The following CCDC7 variants were observed in gnomAD, a reference collection of about 807,000 sequenced individuals.
CCDC7 encodes the protein coiled-coil domain containing 7, also known as coiled-coil domain-containing protein 7.
CCDC7 carries 183 observed loss-of-function variants against 196.9 expected under a neutral mutation model. The ratio of observed to expected loss-of-function variants is 0.93; its 90% CI spans 0.82 to 1.05. The LOEUF (loss-of-function observed/expected upper bound fraction) is 1.05. Among genes scored for constraint, CCDC7 ranks in the 50% least tolerant of loss-of-function variants. The pLI is 0.00. For missense variants in CCDC7, 1,540 were observed against 1,482.2 expected (o/e 1.04, Z -0.64); for synonymous variants, 525 against 484.6 (o/e 1.08, Z -1.10).
At chr10:32,720,954 G>T (rs72782261) in intron 25 of CCDC7, among the ~76,000 whole-genome samples, 2 of 152,116 alleles carry the variant, frequency 1.3e-5, no homozygotes, top group African/African-American at 4.8e-5. Context: ...TTAGCCATGC[G>T]TAGTGGCTCA....
At chr10:32,716,777 A>T (rs2081652452) in intron 25 of CCDC7, among the ~76,000 whole-genome samples, 1 of 152,224 alleles carries the variant, frequency 6.6e-6, no homozygotes, top group Non-Finnish European at 1.5e-5. Context: ...ATTTTAAACA[A>T]ACAAAGATCA....
chr10:32,512,199 A>G (rs1017517678), intron 9 of CCDC7: 1 of 165,842 alleles, frequency 6.0e-6, no homozygotes. Flanking sequence ...GGTGAACAGA[A>G]TGCTTAGAAC....
chr10:32,474,941 G>A (rs1357902784), intron 8 of CCDC7, among the ~76,000 whole-genome samples: 3 of 152,124 alleles, frequency 2.0e-5, no homozygotes, highest in Non-Finnish European at 2.9e-5. Context: ...AAACCCAAAC[G>A]TTGCCATGTT....
chr10:32,736,364 CT>C (rs1484978216), intron 28 of CCDC7, among the ~76,000 whole-genome samples: 1 of 151,814 alleles, frequency 6.6e-6, no homozygotes, highest in Admixed American at 6.6e-5. Flanking sequence ...TTTAGTTTTC[CT>C]TTTTTTGTGG....
chr10:32,613,402 C>G lies in CCDC7; in HGVS notation c.1802-20852C>G, dbSNP rs140898356. ...GATTTTTTTGAAGGATTTTTTGTGT[C>G]TCTATCTCCTTCAGTTTTGCTCTGA... On this transcript the variant is annotated intron_variant, in intron 18 of 41. Transcript: ENST00000639629. Among the ~76,000 whole-genome samples, 350 of 152,068 alleles carry G rather than the reference C, an allele frequency of 2.3e-3. 10 individuals are homozygous for G. The East Asian group carries it at 0.055, about 24-fold the overall frequency.
chr10:32,542,842 T>A (rs976523744), intron 11 of CCDC7, among the ~76,000 whole-genome samples: 39 of 152,302 alleles, frequency 2.6e-4, no homozygotes, highest in Admixed American at 6.5e-4. Context: ...TAAAAGTCTA[T>A]ATTTCTCATG....
intron 20 of CCDC7, among the ~76,000 whole-genome samples, chr10:32,661,272 A>T (rs979808148): frequency 7.3e-5 from 11 of 149,848 alleles, no homozygotes; most frequent in African/African-American, 2.7e-4. Flanking sequence ...CCACAATGAG[A>T]TACCATCTCA....
At chr10:32,461,739 A>G (rs1239121017) in intron 3 of CCDC7, among the ~76,000 whole-genome samples, 2 of 70,014 alleles carry the variant, frequency 2.9e-5, no homozygotes, top group Non-Finnish European at 5.2e-5. Flanking sequence ...ATGTATATAT[A>G]TATATATATA....
intron 18 of CCDC7, among the ~76,000 whole-genome samples, chr10:32,616,614 G>C (rs1248105629): frequency 6.6e-6 from 1 of 151,236 alleles, no homozygotes; most frequent in Non-Finnish European, 1.5e-5. Context: ...CAGTGAACAG[G>C]GATAATTTGA....
At chr10:32,692,949 C>T (rs1160139271) in intron 23 of CCDC7, among the ~76,000 whole-genome samples, 6 of 152,154 alleles carry the variant, frequency 3.9e-5, no homozygotes, top group Non-Finnish European at 8.8e-5. Flanking sequence ...CTCTGAACCA[C>T]ATGAATACCT....
intron 11 of CCDC7, among the ~76,000 whole-genome samples, chr10:32,532,371 G>A (rs2049811213): frequency 6.6e-6 from 1 of 152,068 alleles, no homozygotes; most frequent in Admixed American, 6.6e-5. Context: ...TTGATTTATA[G>A]TTTTATTCTA....
At chr10:32,484,057 A>G (rs1212706537) in intron 8 of CCDC7, among the ~76,000 whole-genome samples, 5 of 152,176 alleles carry the variant, frequency 3.3e-5, no homozygotes, top group Admixed American at 6.5e-5. Flanking sequence ...CTTGATGCGG[A>G]TGGCATTGAA....
chr10:32,808,813 T>C (rs202191657), intron 30 of CCDC7, among the ~76,000 whole-genome samples: 1 of 19,388 alleles, frequency 5.2e-5, no homozygotes, highest in African/African-American at 5.7e-5. Context: ...TCACTGACAC[T>C]GTTATAGCTG....
chr10:32,747,959 A>G (rs1349345129), intron 28 of CCDC7, among the ~76,000 whole-genome samples: 4 of 152,266 alleles, frequency 2.6e-5, no homozygotes, highest in African/African-American at 9.6e-5. Flanking sequence ...CATAGAGTCA[A>G]CAAAGATGCC....
At chr10:32,754,148 A>G (rs1416343597) in intron 28 of CCDC7, among the ~76,000 whole-genome samples, 1 of 152,188 alleles carries the variant, frequency 6.6e-6, no homozygotes, top group East Asian at 1.9e-4. Context: ...CAACACGATT[A>G]TTACTTACAG....
chr10:32,763,205 A>ACC (rs1430067932), intron 28 of CCDC7, among the ~76,000 whole-genome samples: 1 of 152,000 alleles, frequency 6.6e-6, no homozygotes, highest in Non-Finnish European at 1.5e-5. Flanking sequence ...TGGGCAAAGA[A>ACC]CCTAAATAGA....
At chr10:32,755,242 CCTGT>C (rs1439035817) in intron 28 of CCDC7, among the ~76,000 whole-genome samples, 3 of 152,154 alleles carry the variant, frequency 2.0e-5, no homozygotes, top group Non-Finnish European at 4.4e-5. Flanking sequence ...CTTAAACGTC[CCTGT>C]CTGACAGCTT....
chr10:32,687,005 G>A (rs2076539791), intron 22 of CCDC7, among the ~76,000 whole-genome samples: 1 of 152,154 alleles, frequency 6.6e-6, no homozygotes, highest in African/African-American at 2.4e-5. Flanking sequence ...TCATCTGTGT[G>A]GACAGGAATG....
intron 28 of CCDC7, among the ~76,000 whole-genome samples, chr10:32,759,120 C>T (rs528322296): frequency 6.6e-6 from 1 of 152,296 alleles, no homozygotes; most frequent in East Asian, 1.9e-4. Flanking sequence ...AAGAACATTC[C>T]ATGCTCATGG....
Sources: allele counts gnomAD v4.1 joint callset (sites outside exome capture counted in the v4.1 genomes callset), GRCh38; gene constraint gnomAD v4.1.1; transcripts MANE v1.5; gene names NCBI Gene and HGNC (gene_info 2026-07-23, HGNC 2026-07-21).